TRAM2: variants seen among roughly 807,000 people sequenced by gnomAD.
The protein encoded by TRAM2 is translocating chain-associated membrane protein 2.
TRAM2 carries 12 observed loss-of-function variants against 51.0 expected under a neutral mutation model. That is an observed-to-expected ratio of 0.24 (90% CI 0.15 to 0.38). The LOEUF (loss-of-function observed/expected upper bound fraction) is 0.38. Among genes scored for constraint, TRAM2 ranks in the 10% least tolerant of loss-of-function variants. The pLI, the probability that TRAM2 is intolerant of heterozygous loss-of-function variation, is 1.00. For synonymous variants in TRAM2, 175 were observed against 179.4 expected (o/e 0.98, Z 0.20); for missense variants, 361 against 462.0 (o/e 0.78, Z 2.00).
At chr6:52,519,251 C>G (rs1011279371) in intron 2 of TRAM2, among the ~76,000 whole-genome samples, 1 of 152,166 alleles carries the variant, frequency 6.6e-6, no homozygotes, top group African/African-American at 2.4e-5. Context: ...ACTTAAACAC[C>G]AGCAGCCAAA....
At chr6:52,547,251 T>TA (rs1468286015) in intron 1 of TRAM2, among the ~76,000 whole-genome samples, 1 of 152,020 alleles carries the variant, frequency 6.6e-6, no homozygotes, top group Non-Finnish European at 1.5e-5. Flanking sequence ...CAAGGGGGCC[T>TA]AGAGAGGATG....
intron 7 of TRAM2, among the ~76,000 whole-genome samples, chr6:52,507,075 C>CT (rs993111147): frequency 6.6e-6 from 1 of 152,204 alleles, no homozygotes; most frequent in Non-Finnish European, 1.5e-5. Flanking sequence ...GCAATTCTTT[C>CT]TGCCTCTAGA....
In TRAM2 at chr6:52,505,154, A is replaced by G. The variant is rs78682938; in HGVS notation, c.876-400T>C. Reference sequence around the variant, plus strand: ...CTGGAAGAGTGGCTTCTCATTTAACATGTCACTTAAAAGTGGAGCAACCCT... The same window carrying G: ...CTGGAAGAGTGGCTTCTCATTTAACGTGTCACTTAAAAGTGGAGCAACCCT... On this transcript the variant is annotated intron_variant, in intron 9 of 10. Coordinates refer to ENST00000182527, the MANE Select transcript of TRAM2 (RefSeq NM_012288.4). Among the ~76,000 whole-genome samples the G allele has an allele frequency of 2.9e-3, 436 of 152,330 alleles. 2 individuals carry two copies. The highest frequency in any genetic ancestry group is 9.6e-3 in the African/African-American group (399 of 41,564).
intron 1 of TRAM2, among the ~76,000 whole-genome samples, chr6:52,572,887 C>T (rs1767703667): frequency 6.6e-6 from 1 of 152,080 alleles, no homozygotes; most frequent in Admixed American, 6.6e-5. Flanking sequence ...AAGGTGGTTC[C>T]TGAAGAAAAG....
In TRAM2 at chr6:52,504,582, G is replaced by C; in HGVS notation, c.1039+9C>G. 1 of 1,614,046 alleles carries C rather than the reference G, an allele frequency of 6.2e-7. No homozygotes were observed. The highest frequency in any genetic ancestry group is 8.5e-7 in the Non-Finnish European group (1 of 1,180,036). The stretch of plus-strand genomic sequence containing the variant: ...GGCTCCACTCTCTGCCAAGGGCCCT[G>C]GCACTCACCAGATTCCCTCTTGATG... On this transcript the variant is annotated intron_variant, in intron 10 of 10. Coordinates refer to ENST00000182527, the MANE Select transcript of TRAM2 (RefSeq NM_012288.4).
intron 1 of TRAM2, 99 bp from the exon 2 acceptor site, chr6:52,535,945 A>G (rs1766971652): frequency 1.0e-6 from 1 of 981,634 alleles, no homozygotes; most frequent in African/African-American, 1.6e-5. Context: ...TAGACCCTCA[A>G]ACCTCTTGAC....
intron 2 of TRAM2, chr6:52,516,981 C>T (rs1766563705): frequency 2.0e-6 from 1 of 503,206 alleles, no homozygotes; most frequent in East Asian, 3.7e-5. Flanking sequence ...ACAGTATCTC[C>T]TGAGTCTGTG....
At chr6:52,528,751 T>C (rs1766828377) in intron 2 of TRAM2, among the ~76,000 whole-genome samples, 1 of 152,198 alleles carries the variant, frequency 6.6e-6, no homozygotes, top group African/African-American at 2.4e-5. Context: ...CTTTGATCAC[T>C]GTAAAACAAA....
intron 1 of TRAM2, among the ~76,000 whole-genome samples, chr6:52,539,683 G>A (rs910239493): frequency 1.3e-5 from 2 of 152,134 alleles, no homozygotes; most frequent in Non-Finnish European, 2.9e-5. Context: ...CTTGTTTGAG[G>A]TGCACATCCA....
intron 1 of TRAM2, among the ~76,000 whole-genome samples, chr6:52,551,652 A>C (rs1767311616): frequency 6.6e-6 from 1 of 152,186 alleles, no homozygotes; most frequent in Admixed American, 6.5e-5. Context: ...GGGGTTTGGA[A>C]TCTGCTGAGT....
intron 1 of TRAM2, among the ~76,000 whole-genome samples, chr6:52,575,693 T>C (rs1173388668): frequency 6.6e-6 from 1 of 151,984 alleles, no homozygotes; most frequent in Non-Finnish European, 1.5e-5. Flanking sequence ...CCAAGGAAGT[T>C]TGTAAATGAT....
intron 2 of TRAM2, among the ~76,000 whole-genome samples, chr6:52,525,768 A>C (rs958389451): frequency 6.6e-6 from 1 of 152,214 alleles, no homozygotes; most frequent in Non-Finnish European, 1.5e-5. Flanking sequence ...AGATTGTGCC[A>C]CTGCACTCCA....
Position 52,502,853 on chromosome 6 carries a change from G to A in TRAM2, c.*344C>T, listed in dbSNP as rs990875882. The A allele has an allele frequency of 3.9e-5, 10 of 256,138 alleles. No homozygotes were observed. The highest frequency in any genetic ancestry group is 1.1e-3 in the Middle Eastern group (1 of 886). The allele number at this position is 256,138 out of a possible 1,614,324, so 15.9% of individuals were successfully genotyped here. Reference sequence around the variant, plus strand: ...ATAAGGTGAAAATAGGAAGTAAAAAGGAAAAGCAGCAGCCATAAGGCAAGA... The same window carrying A: ...ATAAGGTGAAAATAGGAAGTAAAAAAGAAAAGCAGCAGCCATAAGGCAAGA... On this transcript the variant is annotated 3_prime_UTR_variant, in exon 11 of 11. Transcript: ENST00000182527.
At chr6:52,557,192 C>CAAAAAAAAAAAAAAAAA (rs371429027) in intron 1 of TRAM2, among the ~76,000 whole-genome samples, 2 of 140,092 alleles carry the variant, frequency 1.4e-5, no homozygotes, top group Admixed American at 7.1e-5. Context: ...AACTCTGTCT[C>CAAAAAAAAAAAAAAAAA]AAAAAAAAAA....
At chr6:52,510,706 G>C (rs1766436600) in intron 4 of TRAM2, among the ~76,000 whole-genome samples, 1 of 152,254 alleles carries the variant, frequency 6.6e-6, no homozygotes, top group Admixed American at 6.5e-5. Flanking sequence ...TTCACTCTGA[G>C]TTTGGAGGTG....
At chr6:52,532,912 T>G (rs1220668604) in intron 2 of TRAM2, among the ~76,000 whole-genome samples, 1 of 152,252 alleles carries the variant, frequency 6.6e-6, no homozygotes, top group Admixed American at 6.5e-5. Context: ...GTTTTCTGTG[T>G]TATAATTTTT....
In TRAM2 at chr6:52,504,707, C is replaced by T; in HGVS notation, c.923G>A (p.Trp308Ter). ...LVCAAQAWLM[W>*]RFIHSQLRHW... is the part of the protein sequence containing the mutation. Reference sequence around the variant, plus strand: ...CCGCAGCTGGGAGTGGATGAAGCGCCACATGAGCCAGGCCTGGGCGGCACA... The same window carrying T: ...CCGCAGCTGGGAGTGGATGAAGCGCTACATGAGCCAGGCCTGGGCGGCACA... The change falls in exon 10 of 11, where the codon TGG (tryptophan) becomes TAG (stop). Residue 308 changes from tryptophan (W) to a stop codon, truncating the protein, a stop_gained. Transcript: ENST00000182527. LOFTEE classifies it high-confidence loss of function. The T allele has an allele frequency of 1.2e-6, 2 of 1,612,094 alleles. No individual in the cohort carries two copies. Among genetic ancestry groups the T allele is most frequent in the Non-Finnish European group, 1.7e-6 (2 of 1,179,472 alleles).
chr6:52,557,337 G>T (rs1581699569), intron 1 of TRAM2, among the ~76,000 whole-genome samples: 1 of 152,144 alleles, frequency 6.6e-6, no homozygotes, highest in Non-Finnish European at 1.5e-5. Context: ...TAATATTCAG[G>T]TACTCTGAAC....
At position 52,503,127 on chromosome 6, in the gene TRAM2, G is replaced by A. The variant is rs575236610; in HGVS notation, c.*70C>T. On this transcript the variant is annotated 3_prime_UTR_variant, in exon 11 of 11. Transcript: ENST00000182527. ...TCACAGGCAGGAAGGAGGAGGCAGG[G>A]AGGGGGCCTGGGCTCCTTGCCCCCT... 6 of 1,306,790 alleles carry A rather than the reference G, an allele frequency of 4.6e-6. No homozygotes were observed. The Admixed American group carries it at 6.7e-5, about 15-fold the overall frequency. 80.9% of individuals were successfully genotyped at this position (1,306,790 alleles called of 1,614,324 possible). A position where few individuals can be genotyped will look rare whatever the true frequency, so the allele number is the denominator to read the frequency against.
Sources: gnomAD v4.1 joint callset for allele counts (sites outside exome capture counted in the v4.1 genomes callset) on GRCh38, gnomAD v4.1.1 for gene constraint, MANE v1.5 for transcripts, NCBI Gene and HGNC (gene_info 2026-07-23, HGNC 2026-07-21) for gene names.